Variants in JARID2 observed in about 807,000 individuals in gnomAD.
The protein encoded by JARID2 is protein Jumonji.
A neutral mutation model predicts 125.6 loss-of-function variants in JARID2; 21 were observed. The observed-to-expected ratio is 0.17, with a 90% CI of 0.12 to 0.24. The LOEUF is 0.24. JARID2 is among the 10% of genes least tolerant of loss of function. The probability of loss-of-function intolerance (pLI) is 1.00; values close to 1 mark genes in which losing one functional copy is unlikely to be tolerated. For missense variants in JARID2, 1,303 were observed against 1,639.6 expected (o/e 0.79, Z 3.55); for synonymous variants, 736 against 661.6 (o/e 1.11, Z -1.73).
At position 15,412,724 on chromosome 6, in the gene JARID2, C is replaced by T. The variant is rs148722857; in HGVS notation, c.323+2359C>T. Among the ~76,000 whole-genome samples the T allele has an allele frequency of 2.0e-5, 3 of 152,242 alleles. No individual in the cohort carries two copies. The East Asian group carries it at 5.8e-4, about 29-fold the overall frequency. On this transcript the variant is annotated intron_variant, in intron 3 of 17. Coordinates refer to ENST00000341776, the MANE Select transcript of JARID2 (RefSeq NM_004973.4). ...TTTAGTGGGTTGGGTATGAACCCTG[C>T]CTTCAAAAGCAGAGTAAATGACTTG...
intron 1 of JARID2, among the ~76,000 whole-genome samples, chr6:15,355,996 A>C (rs572018221): frequency 2.6e-5 from 4 of 151,832 alleles, no homozygotes; most frequent in Non-Finnish European, 5.9e-5. Flanking sequence ...TTTCCCAGCA[A>C]CCTCTGGCAG....
At chr6:15,441,205 T>A (rs936228313) in intron 3 of JARID2, among the ~76,000 whole-genome samples, 2 of 152,218 alleles carry the variant, frequency 1.3e-5, no homozygotes, top group East Asian at 3.8e-4. Flanking sequence ...ATAGCTGGAT[T>A]GTATATTCCT....
At chr6:15,484,381 G>T (rs544845065) in intron 5 of JARID2, among the ~76,000 whole-genome samples, 1 of 152,352 alleles carries the variant, frequency 6.6e-6, no homozygotes, top group Non-Finnish European at 1.5e-5. Flanking sequence ...TGACCCAGAG[G>T]AGTAGGAGGT....
chr6:15,513,104 A>AC (rs1028433052), intron 15 of JARID2, 59 bp downstream of exon 15: 14 of 1,608,600 alleles, frequency 8.7e-6, no homozygotes, highest in South Asian at 1.1e-5. Flanking sequence ...TCGGGGGCTC[A>AC]CCCCCCGAGC....
intron 1 of JARID2, among the ~76,000 whole-genome samples, chr6:15,373,492 A>G (rs1398192531): frequency 6.6e-6 from 1 of 152,224 alleles, no homozygotes; most frequent in Non-Finnish European, 1.5e-5. Flanking sequence ...TGTGTACATT[A>G]AAACAAAAAT....
At chr6:15,455,972 G>A (rs1358237009) in intron 4 of JARID2, among the ~76,000 whole-genome samples, 4 of 152,156 alleles carry the variant, frequency 2.6e-5, no homozygotes, top group African/African-American at 7.2e-5. Flanking sequence ...CACCAATCCC[G>A]TTTCATTAGG....
intron 1 of JARID2, among the ~76,000 whole-genome samples, chr6:15,258,748 C>G (rs910180523): frequency 6.6e-6 from 1 of 152,194 alleles, no homozygotes; most frequent in African/African-American, 2.4e-5. Context: ...CGCCACTGCA[C>G]TCCAGCCTGG....
At chr6:15,326,667 A>C (rs989377690) in intron 1 of JARID2, among the ~76,000 whole-genome samples, 1 of 152,132 alleles carries the variant, frequency 6.6e-6, no homozygotes, top group Admixed American at 6.5e-5. Context: ...GCACATGGAT[A>C]ATTTTGTATT....
At chr6:15,471,961 G>A (rs1326870431) in intron 5 of JARID2, among the ~76,000 whole-genome samples, 3 of 151,560 alleles carry the variant, frequency 2.0e-5, no homozygotes, top group Non-Finnish European at 4.4e-5. Flanking sequence ...AAAAATCTTA[G>A]GAGATTCTAC....
rs1223806186 is a variant in JARID2, at chr6:15,521,716, G to A, written c.*1465G>A. On this transcript the variant is annotated 3_prime_UTR_variant, in exon 18 of 18. Coordinates refer to ENST00000341776, the MANE Select transcript of JARID2 (RefSeq NM_004973.4). ...TGAGCTTGCCAGTGGTGACTGCCAG[G>A]AACGTCCTATGATCCACTTTGTTGG... The A allele has an allele frequency of 1.3e-5, 2 of 152,216 alleles. No individual in the cohort carries two copies. Among genetic ancestry groups the A allele is most frequent in the African/African-American group, 4.8e-5 (2 of 41,450 alleles). 9.4% of individuals were successfully genotyped at this position (152,216 alleles called of 1,614,324 possible).
intron 4 of JARID2, among the ~76,000 whole-genome samples, chr6:15,455,574 C>T (rs1366405153): frequency 6.6e-6 from 1 of 152,152 alleles, no homozygotes; most frequent in African/African-American, 2.4e-5. Flanking sequence ...CTCTGTCGCC[C>T]AGGCTGGAGT....
In JARID2 at chr6:15,251,115, G is replaced by A. The variant is rs138547848; in HGVS notation, c.45+4531G>A. On this transcript the variant is annotated intron_variant, in intron 1 of 17. Coordinates refer to ENST00000341776, the MANE Select transcript of JARID2 (RefSeq NM_004973.4). ...CAACCACTGTCTTCCGGGTTCAATC[G>A]ATTCTCCTGTCTCAGCCTCCCGAGT... 3.9e-3 allele frequency among the ~76,000 whole-genome samples: 595 copies of A among 152,050 alleles called. 3 individuals are homozygous for A. Among genetic ancestry groups the A allele is most frequent in the Middle Eastern group, 0.024 (7 of 294 alleles).
intron 1 of JARID2, among the ~76,000 whole-genome samples, chr6:15,258,469 T>TA (rs1759749661): frequency 6.6e-6 from 1 of 152,196 alleles, no homozygotes; most frequent in African/African-American, 2.4e-5. Context: ...AATCAAATGT[T>TA]AAAGTGTGAA....
intron 1 of JARID2, among the ~76,000 whole-genome samples, chr6:15,293,950 C>T (rs1761316966): frequency 6.6e-6 from 1 of 152,226 alleles, no homozygotes; most frequent in African/African-American, 2.4e-5. Flanking sequence ...GTTGATCTTT[C>T]TCTATCTCTT....
chr6:15,491,731 T>C (rs1433425030), intron 6 of JARID2, among the ~76,000 whole-genome samples: 1 of 152,242 alleles, frequency 6.6e-6, no homozygotes, highest in African/African-American at 2.4e-5. Context: ...CCTTTTCATC[T>C]GTCATCATAC....
At chr6:15,492,416 C>T (rs935316797) in intron 6 of JARID2, among the ~76,000 whole-genome samples, 1 of 152,196 alleles carries the variant, frequency 6.6e-6, no homozygotes, top group Non-Finnish European at 1.5e-5. Flanking sequence ...GGCTGCATAA[C>T]TGGGGCTGTG....
intron 1 of JARID2, among the ~76,000 whole-genome samples, chr6:15,268,575 G>A (rs1423924314): frequency 6.6e-6 from 1 of 152,192 alleles, no homozygotes; most frequent in Non-Finnish European, 1.5e-5. Flanking sequence ...TAAAATGGGA[G>A]GGGGTGGCAA....
chr6:15,458,003 G>A (rs1006078216), intron 4 of JARID2, among the ~76,000 whole-genome samples: 3 of 152,196 alleles, frequency 2.0e-5, no homozygotes, highest in Admixed American at 6.5e-5. Flanking sequence ...TTTGCCCGCA[G>A]TGTATTTATC....
At chr6:15,359,714 C>CA (rs1561812735) in intron 1 of JARID2, among the ~76,000 whole-genome samples, 1 of 144,498 alleles carries the variant, frequency 6.9e-6, no homozygotes, top group African/African-American at 2.5e-5. Flanking sequence ...TTTCTTTTTC[C>CA]TTTTTTTTTT....
Sources: gnomAD v4.1 joint callset for allele counts (sites outside exome capture counted in the v4.1 genomes callset) on GRCh38, gnomAD v4.1.1 for gene constraint, MANE v1.5 for transcripts, NCBI Gene and HGNC (gene_info 2026-07-23, HGNC 2026-07-21) for gene names.